SPIN1: variants seen among roughly 807,000 people sequenced by gnomAD.
The protein encoded by SPIN1 is spindlin-1.
Under a neutral mutation model 26.0 loss-of-function variants are expected in SPIN1, and 3 were observed. The observed-to-expected ratio is 0.12, with a 90% CI of 0.05 to 0.30. The LOEUF is 0.30. Among genes scored for constraint, SPIN1 ranks in the 10% least tolerant of loss-of-function variants. SPIN1 has a pLI of 1.00. For synonymous variants in SPIN1, 101 were observed against 116.5 expected (o/e 0.87, Z 0.86); for missense variants, 126 against 333.4 (o/e 0.38, Z 4.84).
At chr9:88,399,284 G>A (rs910383720) in intron 1 of SPIN1, among the ~76,000 whole-genome samples, 11 of 151,374 alleles carry the variant, frequency 7.3e-5, no homozygotes, top group Non-Finnish European at 1.0e-4. Context: ...CACCCGCCTC[G>A]GCCTCCCAAA....
chr9:88,475,049 T>TC, intron 5 of SPIN1, 29 bp from the exon 6 acceptor site: 2 of 280,474 alleles, frequency 7.1e-6, no homozygotes, highest in Non-Finnish European at 9.2e-6. Context: ...CTCTCTCTCT[T>TC]TTTTTTTTTT....
chr9:88,389,655 T>C (rs1445724595), intron 1 of SPIN1, among the ~76,000 whole-genome samples: 1 of 151,290 alleles, frequency 6.6e-6, no homozygotes, highest in Admixed American at 6.6e-5. Context: ...AGGATTTCAC[T>C]CTACATGACT....
chr9:88,471,229 T>TA (rs1399893078), intron 5 of SPIN1, among the ~76,000 whole-genome samples: 13 of 152,200 alleles, frequency 8.5e-5, no homozygotes, highest in African/African-American at 2.9e-4. Flanking sequence ...AGCTCTTACT[T>TA]AGAGATCTTT....
intron 2 of SPIN1, among the ~76,000 whole-genome samples, chr9:88,443,114 C>T (rs562398358): frequency 7.8e-6 from 1 of 127,972 alleles, no homozygotes; most frequent in Non-Finnish European, 1.5e-5. Flanking sequence ...AACGAGACTC[C>T]ATCTCAAAAA....
At chr9:88,405,950 A>G (rs954351889) in intron 1 of SPIN1, among the ~76,000 whole-genome samples, 2 of 151,752 alleles carry the variant, frequency 1.3e-5, no homozygotes, top group African/African-American at 4.8e-5. Flanking sequence ...ATCCTCACAC[A>G]ATCTCCCTAG....
intron 1 of SPIN1, among the ~76,000 whole-genome samples, chr9:88,419,812 T>C (rs1827637757): frequency 6.6e-6 from 1 of 152,212 alleles, no homozygotes; most frequent in Non-Finnish European, 1.5e-5. Context: ...TAGACCAGAC[T>C]AAAATCTAAA....
At chr9:88,440,574 T>C (rs1828100422) in intron 2 of SPIN1, among the ~76,000 whole-genome samples, 1 of 152,146 alleles carries the variant, frequency 6.6e-6, no homozygotes, top group Admixed American at 6.5e-5. Context: ...TCTCGCTTCC[T>C]TTCTACCCTT....
intron 1 of SPIN1, among the ~76,000 whole-genome samples, chr9:88,417,612 A>G (rs985437734): frequency 2.0e-5 from 3 of 152,046 alleles, no homozygotes; most frequent in African/African-American, 7.2e-5. Context: ...AGCTGGGACT[A>G]CAGGCACGTG....
intron 2 of SPIN1, among the ~76,000 whole-genome samples, chr9:88,438,748 C>T (rs1448336720): frequency 6.6e-6 from 1 of 152,160 alleles, no homozygotes; most frequent in African/African-American, 2.4e-5. Context: ...AATACTTCAA[C>T]ATCTGAAACT....
intron 4 of SPIN1, among the ~76,000 whole-genome samples, chr9:88,465,616 A>G (rs1351846523): frequency 6.6e-6 from 1 of 152,180 alleles, no homozygotes; most frequent in Admixed American, 6.5e-5. Flanking sequence ...ATCTACTCAC[A>G]TCCTTTGACC....
intron 1 of SPIN1, among the ~76,000 whole-genome samples, chr9:88,395,320 C>G (rs923911164): frequency 4.0e-5 from 6 of 151,706 alleles, no homozygotes; most frequent in African/African-American, 4.9e-5. Flanking sequence ...CCCTTTCCTA[C>G]ACAATAGGCA....
chr9:88,406,694 A>G (rs1827318058), intron 1 of SPIN1, among the ~76,000 whole-genome samples: 1 of 152,156 alleles, frequency 6.6e-6, no homozygotes, highest in South Asian at 2.1e-4. Flanking sequence ...CAATCTGTTA[A>G]TAAGTACTTT....
At chr9:88,461,729 G>A (rs986126072) in intron 3 of SPIN1, among the ~76,000 whole-genome samples, 3 of 152,154 alleles carry the variant, frequency 2.0e-5, no homozygotes, top group African/African-American at 7.2e-5. Context: ...CAAGAAGCCA[G>A]GGTTTTAAGG....
intron 1 of SPIN1, among the ~76,000 whole-genome samples, chr9:88,396,151 G>A (rs1348611492): frequency 6.7e-6 from 1 of 149,892 alleles, no homozygotes; most frequent in Non-Finnish European, 1.5e-5. Context: ...CCTCATGAGA[G>A]TCACTTGAAC....
At chr9:88,410,302 G>A (rs1419510915) in intron 1 of SPIN1, among the ~76,000 whole-genome samples, 2 of 151,824 alleles carry the variant, frequency 1.3e-5, no homozygotes, top group Non-Finnish European at 2.9e-5. Context: ...TTGTTGGAAT[G>A]CTTTAAACAA....
chr9:88,404,652 A>G (rs371674931), intron 1 of SPIN1, among the ~76,000 whole-genome samples: 1 of 152,108 alleles, frequency 6.6e-6, no homozygotes, highest in Admixed American at 6.6e-5. Flanking sequence ...GCAGTGGTTC[A>G]TGCCTGTAAT....
intron 1 of SPIN1, among the ~76,000 whole-genome samples, chr9:88,424,267 C>T (rs956795530): frequency 6.6e-6 from 1 of 152,144 alleles, no homozygotes; most frequent in African/African-American, 2.4e-5. Flanking sequence ...CTCTTTGCTT[C>T]TGTTTTCCTA....
Position 88,410,728 on chromosome 9 carries a change from C to T in SPIN1, c.-158-15654C>T. Reference sequence around the variant, plus strand: ...GCCAAAATCATTGTAGCTTCCACCACCTCCAAAATTGCTTCCACCATTACC... The same window carrying T: ...GCCAAAATCATTGTAGCTTCCACCATCTCCAAAATTGCTTCCACCATTACC... On this transcript the variant is annotated intron_variant, in intron 1 of 5. Transcript: ENST00000375859. 4 of 1,410,448 alleles carry T rather than the reference C, an allele frequency of 2.8e-6. No homozygotes were observed. In the South Asian group the frequency reaches 4.6e-5, roughly 16 times the overall value. The allele number at this position is 1,410,448 out of a possible 1,614,324, so 87.4% of individuals were successfully genotyped here.
intron 1 of SPIN1, among the ~76,000 whole-genome samples, chr9:88,400,539 T>C (rs1564022166): frequency 6.6e-6 from 1 of 152,120 alleles, no homozygotes; most frequent in Non-Finnish European, 1.5e-5. Flanking sequence ...GACCATTCAC[T>C]CACCTTCTAT....
Sources: gnomAD v4.1 joint callset for allele counts (sites outside exome capture counted in the v4.1 genomes callset) on GRCh38, gnomAD v4.1.1 for gene constraint, MANE v1.5 for transcripts, NCBI Gene and HGNC (gene_info 2026-07-23, HGNC 2026-07-21) for gene names.